Variants in TXLNB observed in about 807,000 individuals in gnomAD.
TXLNB encodes the protein beta-taxilin.
TXLNB carries 37 observed loss-of-function variants against 57.4 expected under a neutral mutation model. The observed-to-expected ratio is 0.64, with a 90% CI of 0.50 to 0.85. The LOEUF (loss-of-function observed/expected upper bound fraction) is 0.85, where lower values mean the gene tolerates loss of function less well. TXLNB is among the 40% of genes least tolerant of loss of function. The probability of loss-of-function intolerance (pLI) is 0.00; values close to 1 mark genes in which losing one functional copy is unlikely to be tolerated. For synonymous variants in TXLNB, 302 were observed against 309.6 expected (o/e 0.98, Z 0.26); for missense variants, 848 against 825.6 (o/e 1.03, Z -0.33).
At chr6:139,185,658 A>G in the TXLNB span, among the ~76,000 whole-genome samples, 7 of 152,238 alleles carry the variant, frequency 4.6e-5, no homozygotes, top group Non-Finnish European at 7.4e-5. Flanking sequence ...CCGAGATCGC[A>G]CCACTGCACT....
chr6:139,225,810 G>A, the TXLNB span, among the ~76,000 whole-genome samples: 1 of 152,102 alleles, frequency 6.6e-6, no homozygotes, highest in Non-Finnish European at 1.5e-5. Flanking sequence ...GTTTGTGTGT[G>A]TAGATTGACA....
rs57409101 is a variant in TXLNB, at chr6:139,285,257, A to AACACAC, written c.424+3213_424+3218dup. Among the ~76,000 whole-genome samples the AACACAC allele has an allele frequency of 2.1e-3, 250 of 120,070 alleles. 6 individuals are homozygous for AACACAC. The highest frequency in any genetic ancestry group is 8.5e-3 in the East Asian group (37 of 4,344). The allele number at this position is 120,070 out of a possible 152,430, so 78.8% of individuals were successfully genotyped here. A position where few individuals can be genotyped will look rare whatever the true frequency, so the allele number is the denominator to read the frequency against. On this transcript the variant is annotated intron_variant, in intron 2 of 9. Transcript: ENST00000358430. ...CTATTTTCTTCATATCTTTCCCCTC[A>AACACAC]ACACACACACACACACACACACACA...
At chr6:139,312,195 T>A in the TXLNB span, among the ~76,000 whole-genome samples, 2 of 152,174 alleles carry the variant, frequency 1.3e-5, no homozygotes, top group Non-Finnish European at 2.9e-5. Flanking sequence ...AAGATGACAC[T>A]CCAATGGGTA....
intron 2 of TXLNB, among the ~76,000 whole-genome samples, chr6:139,282,560 G>A (rs1238116663): frequency 6.9e-6 from 1 of 145,348 alleles, no homozygotes; most frequent in African/African-American, 2.5e-5. Context: ...CTGGGCAACA[G>A]AGTGAGACTT....
the TXLNB span, among the ~76,000 whole-genome samples, chr6:139,232,835 G>A: frequency 1.6e-3 from 250 of 152,074 alleles, no homozygotes; most frequent in African/African-American, 5.8e-3. Flanking sequence ...TACCACATTC[G>A]TATTTTTCCT....
At chr6:139,211,089 C>T in the TXLNB span, among the ~76,000 whole-genome samples, 2 of 152,226 alleles carry the variant, frequency 1.3e-5, no homozygotes, top group Non-Finnish European at 2.9e-5. Flanking sequence ...GCAATAACCT[C>T]TGTAGTCTTA....
chr6:139,206,150 C>T, the TXLNB span, among the ~76,000 whole-genome samples: 3 of 152,058 alleles, frequency 2.0e-5, no homozygotes, highest in South Asian at 4.1e-4. Context: ...ACTACCAAAC[C>T]GGCACTACAA....
chr6:139,240,019 AAAAT>A (rs1452560020), downstream of TXLNB: 2 of 146,118 alleles, frequency 1.4e-5, no homozygotes, highest in African/African-American at 5.6e-5. Context: ...AAACAAAAAT[AAAAT>A]AAGTCAAAGT....
the TXLNB span, chr6:139,166,822 C>T: frequency 6.2e-7 from 1 of 1,613,710 alleles, no homozygotes; most frequent in African/African-American, 1.3e-5. Context: ...GCTCCCCGGG[C>T]CAGTCCCCAC....
At chr6:139,212,160 C>G in the TXLNB span, among the ~76,000 whole-genome samples, 1 of 152,074 alleles carries the variant, frequency 6.6e-6, no homozygotes, top group Non-Finnish European at 1.5e-5. Context: ...AAGAGCAACT[C>G]CAAGACACAT....
chr6:139,171,809 C>T, the TXLNB span, among the ~76,000 whole-genome samples: 6,188 of 151,250 alleles, frequency 0.041, 136 homozygotes, highest in African/African-American at 0.063. Context: ...TTTGTTTAAA[C>T]TTGTTGTTGT....
the TXLNB span, among the ~76,000 whole-genome samples, chr6:139,225,046 A>T: frequency 6.6e-6 from 1 of 152,264 alleles, no homozygotes; most frequent in East Asian, 1.9e-4. Context: ...TTGAAAATCA[A>T]TCACTGTAAC....
At chr6:139,248,227 C>T (rs1260180907) in intron 7 of TXLNB, among the ~76,000 whole-genome samples, 2 of 150,156 alleles carry the variant, frequency 1.3e-5, no homozygotes, top group African/African-American at 2.5e-5. Context: ...GAGCCGAGAT[C>T]GTGCCACTGT....
the TXLNB span, chr6:139,174,666 TG>T: frequency 2.2e-6 from 3 of 1,363,880 alleles, no homozygotes; most frequent in Non-Finnish European, 2.9e-6. Context: ...AGTTACTACT[TG>T]TAATGTAGTC....
the TXLNB span, among the ~76,000 whole-genome samples, chr6:139,226,302 C>CA: frequency 0.058 from 2,290 of 39,174 alleles, 578 homozygotes; most frequent in African/African-American, 0.18. Flanking sequence ...GACCCTGTCT[C>CA]AAAAAAAAAA....
Position 139,255,648 on chromosome 6 carries a change from G to GA in TXLNB, c.1003-11dup. ...CTGCCTGGTTCAGCAACTATGAGAAGAGAGAGTGTGTGGAAAGATGGTCAG... is the reference window on the plus strand; with the variant it reads ...CTGCCTGGTTCAGCAACTATGAGAAGAAGAGAGTGTGTGGAAAGATGGTCAG... On this transcript the variant is annotated splice_polypyrimidine_tract_variant and intron_variant, in intron 6 of 9. Transcript: ENST00000358430. 6.2e-7 allele frequency: 1 copy of GA among 1,610,902 alleles called. No individual in the cohort carries two copies. Among genetic ancestry groups the GA allele is most frequent in the Non-Finnish European group, 8.5e-7 (1 of 1,177,578 alleles).
At chr6:139,289,349 A>G (rs1178468312) in intron 1 of TXLNB, among the ~76,000 whole-genome samples, 4 of 152,096 alleles carry the variant, frequency 2.6e-5, no homozygotes, top group South Asian at 2.1e-4. Context: ...TGCTCAATCA[A>G]TCACAACCCT....
chr6:139,248,777 G>T (rs985545185), intron 7 of TXLNB, among the ~76,000 whole-genome samples: 1 of 152,170 alleles, frequency 6.6e-6, no homozygotes, highest in African/African-American at 2.4e-5. Context: ...TATGGAGAAG[G>T]TGAACCTGGA....
downstream of TXLNB, among the ~76,000 whole-genome samples, chr6:139,236,612 C>T (rs1303153706): frequency 6.6e-6 from 1 of 152,122 alleles, no homozygotes; most frequent in Non-Finnish European, 1.5e-5. Context: ...CCAAGCCATG[C>T]AGAACAGTGA....
Sources: gnomAD v4.1 joint callset for allele counts (sites outside exome capture counted in the v4.1 genomes callset) on GRCh38, gnomAD v4.1.1 for gene constraint, MANE v1.5 for transcripts, NCBI Gene and HGNC (gene_info 2026-07-23, HGNC 2026-07-21) for gene names.